The following ZNF622 variants were observed in gnomAD, a reference collection of about 807,000 sequenced individuals.
ZNF622 encodes cytoplasmic 60S subunit biogenesis factor ZNF622.
Under a neutral mutation model 49.7 loss-of-function variants are expected in ZNF622, and 34 were observed. The observed-to-expected ratio is 0.68, with a 90% CI of 0.52 to 0.91. The LOEUF (loss-of-function observed/expected upper bound fraction) is 0.91. ZNF622 is among the 40% of genes least tolerant of loss of function. The pLI is 0.00. For synonymous variants in ZNF622, 209 were observed against 228.7 expected (o/e 0.91, Z 0.78); for missense variants, 569 against 616.4 (o/e 0.92, Z 0.81).
At position 16,463,631 on chromosome 5, in the gene ZNF622, A is replaced by C. The variant is rs1738159515; in HGVS notation, c.737T>G (p.Leu246Arg). Residue 246 changes from leucine to arginine, a missense_variant, in exon 2 of 6, where the codon CTT becomes CGT. By Grantham distance (102) the Leu-to-Arg change is moderately radical (BLOSUM62 -2). Coordinates refer to ENST00000308683, the MANE Select transcript of ZNF622 (RefSeq NM_033414.3). This position sits in a 1 kb window ranked among gnomAD's most constrained non-coding sequence, Gnocchi z 4.2. ...EEEEAEEGPP[L>R]GAIPITDCLF... is the part of the protein sequence containing the mutation. ...GCAGTCCGTGATAGGGATGGCACCA[A>C]GGGGTGGGCCTTCCTCAGCCTCTTC... 1 of 1,614,230 alleles carries C rather than the reference A, an allele frequency of 6.2e-7. No homozygotes were observed. The highest frequency in any genetic ancestry group is 1.3e-5 in the African/African-American group (1 of 75,068).
At position 16,465,707 on chromosome 5, in the gene ZNF622, T is replaced by C. The variant is rs756773655; in HGVS notation, c.-42A>G. The C allele has an allele frequency of 2.6e-6, 4 of 1,526,206 alleles. No individual in the cohort carries two copies. The highest frequency in any genetic ancestry group is 2.1e-5 in the Admixed American group (1 of 46,556). 94.5% of individuals were successfully genotyped at this position (1,526,206 alleles called of 1,614,324 possible). On this transcript the variant is annotated 5_prime_UTR_variant, in exon 1 of 6. Coordinates refer to ENST00000308683, the MANE Select transcript of ZNF622 (RefSeq NM_033414.3). The surrounding 1 kb of genome is among the most constrained non-coding windows in gnomAD (Gnocchi z 6.2). ...AGAACCGACCAAGCCAAACACCTGG[T>C]GATCAGCGCCGTGGCCCCACAAGAC...
At position 16,451,573 on chromosome 5, in the gene ZNF622, T is replaced by A; in HGVS notation, c.*84A>T. 1 of 1,511,650 alleles carries A rather than the reference T, an allele frequency of 6.6e-7. No individual in the cohort carries two copies. The allele number at this position is 1,511,650 out of a possible 1,614,324, so 93.6% of individuals were successfully genotyped here. On this transcript the variant is annotated 3_prime_UTR_variant, in exon 6 of 6. Coordinates refer to ENST00000308683, the MANE Select transcript of ZNF622 (RefSeq NM_033414.3). ...AACGAATGAAGTAGCAGCAAAAGGG[T>A]CTCTCCTATGATCTGTCTTTCACTG...
Position 16,463,422 on chromosome 5 carries a change from G to A in ZNF622, c.886+60C>T. On this transcript the variant is annotated intron_variant, in intron 2 of 5. Transcript: ENST00000308683. The surrounding 1 kb of genome is among the most constrained non-coding windows in gnomAD (Gnocchi z 4.2). Reference sequence around the variant, plus strand: ...AAAAATGCAAAACTAATGTTCCCTTGAGACCAGTCCCCCAATAATGTGATT... The same window carrying A: ...AAAAATGCAAAACTAATGTTCCCTTAAGACCAGTCCCCCAATAATGTGATT... 1 of 1,540,514 alleles carries A rather than the reference G, an allele frequency of 6.5e-7. No homozygotes were observed. The highest frequency in any genetic ancestry group is 8.8e-7 in the Non-Finnish European group (1 of 1,136,182).
At chr5:16,464,125 G>T (rs1233988088) in intron 1 of ZNF622, among the ~76,000 whole-genome samples, 1 of 151,924 alleles carries the variant, frequency 6.6e-6, no homozygotes, top group Non-Finnish European at 1.5e-5. Context: ...GTATGTGCTG[G>T]TAGGGTGCTC....
At position 16,463,820 on chromosome 5, in the gene ZNF622, A is replaced by G; in HGVS notation, c.626-78T>C. 6.7e-7 allele frequency: 1 copy of G among 1,482,194 alleles called. No homozygotes were observed. Among genetic ancestry groups the G allele is most frequent in the South Asian group, 1.3e-5 (1 of 78,728 alleles). 91.8% of individuals were successfully genotyped at this position (1,482,194 alleles called of 1,614,324 possible). A position where few individuals can be genotyped will look rare whatever the true frequency, so the allele number is the denominator to read the frequency against. ...AGATATCACAAAAATTCACGAGGTG[A>G]TACAGTCCTATATTTGGAGAAACAG... On this transcript the variant is annotated intron_variant, in intron 1 of 5. Coordinates refer to ENST00000308683, the MANE Select transcript of ZNF622 (RefSeq NM_033414.3). The surrounding 1 kb of genome is among the most constrained non-coding windows in gnomAD (Gnocchi z 4.2).
At chr5:16,461,803 G>A (rs577609343) in intron 3 of ZNF622, among the ~76,000 whole-genome samples, 1 of 152,262 alleles carries the variant, frequency 6.6e-6, no homozygotes, top group South Asian at 2.1e-4. Context: ...CTGAGGGGAA[G>A]GCTATACTAG....
At chr5:16,454,822 A>C (rs1372421121) in intron 4 of ZNF622, among the ~76,000 whole-genome samples, 2 of 152,180 alleles carry the variant, frequency 1.3e-5, no homozygotes, top group African/African-American at 4.8e-5. Flanking sequence ...CACAAAGCCT[A>C]AACGATCACC....
rs1378976501 is a variant in ZNF622 at position 16,465,293 on chromosome 5, T to G, written c.373A>C (p.Lys125Gln). 2 of 1,614,268 alleles carry G rather than the reference T, an allele frequency of 1.2e-6. No homozygotes were observed. Among genetic ancestry groups the G allele is most frequent in the Non-Finnish European group, 1.7e-6 (2 of 1,180,048 alleles). Residue 125 changes from lysine (K) to glutamine (Q), a missense_variant, in exon 1 of 6, where the codon AAG becomes CAG. Transcript: ENST00000308683. The surrounding 1 kb of genome is among the most constrained non-coding windows in gnomAD (Gnocchi z 6.2). ...TGGATGGCCGCGTTCATGGCATCCT[T>G]GTCCACACTGTCCACGCCCAGTCCT... ...EKGLGVDSVD[K>Q]DAMNAAIQQA...
At chr5:16,458,255 TAAA>T (rs55760045) in intron 4 of ZNF622, among the ~76,000 whole-genome samples, 11 of 119,294 alleles carry the variant, frequency 9.2e-5, no homozygotes, top group Non-Finnish European at 9.3e-5. Context: ...GGTCTACATC[TAAA>T]AAAAAAAAAA....
rs1266795152 is a variant in ZNF622, at chr5:16,464,918, T to C, written c.625+123A>G. On this transcript the variant is annotated intron_variant, in intron 1 of 5. Coordinates refer to ENST00000308683, the MANE Select transcript of ZNF622 (RefSeq NM_033414.3). ...ACTTCAGAAAGCGTCTAAACCACCT[T>C]CCCTCATCATTTTTACTTAAAAGCT... 5 of 1,374,736 alleles carry C rather than the reference T, an allele frequency of 3.6e-6. No homozygotes were observed. In the East Asian group the frequency reaches 1.2e-4, roughly 32 times the overall value. The allele number at this position is 1,374,736 out of a possible 1,614,324, so 85.2% of individuals were successfully genotyped here.
At chr5:16,454,197 A>G (rs1020910927) in intron 4 of ZNF622, among the ~76,000 whole-genome samples, 10 of 152,170 alleles carry the variant, frequency 6.6e-5, no homozygotes, top group South Asian at 4.1e-4. Flanking sequence ...TAAAAAAACT[A>G]TGGGACAGGG....
chr5:16,455,855 T>C (rs572569253), intron 4 of ZNF622, among the ~76,000 whole-genome samples: 37 of 152,194 alleles, frequency 2.4e-4, no homozygotes, highest in African/African-American at 7.2e-4. Context: ...GAACTGAAAA[T>C]AGCATTCAGA....
Position 16,456,880 on chromosome 5 carries a change from AAAAAAATACTC to A in ZNF622, c.1162+1626_1162+1636del, listed in dbSNP as rs1316655740. Among the ~76,000 whole-genome samples the A allele has an allele frequency of 3.3e-5, 5 of 152,286 alleles. No individual in the cohort carries two copies. The South Asian group carries it at 1.0e-3, about 32-fold the overall frequency. On this transcript the variant is annotated intron_variant, in intron 4 of 5. Transcript: ENST00000308683. ...GTGACACAGATAAATGAATACAAAA[AAAAAAATACTC>A]AAAAATACTCAAAAGACATTTAGGA...
intron 4 of ZNF622, among the ~76,000 whole-genome samples, chr5:16,455,901 T>C (rs1211827931): frequency 6.6e-6 from 1 of 152,178 alleles, no homozygotes; most frequent in Non-Finnish European, 1.5e-5. Context: ...AGTGACCACC[T>C]GATATTAGCA....
intron 3 of ZNF622, among the ~76,000 whole-genome samples, chr5:16,462,896 T>C (rs1034845636): frequency 1.3e-5 from 2 of 152,202 alleles, no homozygotes; most frequent in African/African-American, 4.8e-5. Context: ...CAAACTTCAG[T>C]CTGGGTCTAA....
intron 5 of ZNF622, among the ~76,000 whole-genome samples, chr5:16,452,011 T>C (rs1200604827): frequency 2.0e-5 from 3 of 152,144 alleles, no homozygotes; most frequent in African/African-American, 7.2e-5. Flanking sequence ...CTGGGATTAG[T>C]AGCTTTAGTT....
intron 3 of ZNF622, among the ~76,000 whole-genome samples, chr5:16,459,345 G>A (rs1346780058): frequency 6.6e-6 from 1 of 152,156 alleles, no homozygotes; most frequent in Non-Finnish European, 1.5e-5. Flanking sequence ...AATGGCCAAT[G>A]AATATGCAAA....
chr5:16,452,788 T>C (rs989817131), intron 5 of ZNF622, among the ~76,000 whole-genome samples: 6 of 152,224 alleles, frequency 3.9e-5, no homozygotes, highest in African/African-American at 1.2e-4. Flanking sequence ...AAAAAGTTAA[T>C]GGTATATAAA....
At chr5:16,464,048 G>A (rs1301050567) in intron 1 of ZNF622, among the ~76,000 whole-genome samples, 1 of 152,138 alleles carries the variant, frequency 6.6e-6, no homozygotes, top group Non-Finnish European at 1.5e-5. Context: ...TACCTGCCTG[G>A]ATATTTTTAT....
Sources: allele counts gnomAD v4.1 joint callset (sites outside exome capture counted in the v4.1 genomes callset), GRCh38; gene constraint gnomAD v4.1.1; non-coding constraint Gnocchi (gnomAD v3.1); transcripts MANE v1.5; gene names NCBI Gene and HGNC (gene_info 2026-07-23, HGNC 2026-07-21).